The following MYO18B variants were observed in gnomAD, a reference collection of about 807,000 sequenced individuals.
MYO18B encodes unconventional myosin-XVIIIb.
MYO18B carries 204 observed loss-of-function variants against 273.0 expected under a neutral mutation model. That is an observed-to-expected ratio of 0.75 (90% CI 0.67 to 0.84). The LOEUF (loss-of-function observed/expected upper bound fraction) is 0.84. MYO18B is among the 40% of genes least tolerant of loss of function. The probability of loss-of-function intolerance (pLI) is 0.00; values close to 1 mark genes in which losing one functional copy is unlikely to be tolerated. For missense variants in MYO18B, 3,212 were observed against 3,287.6 expected, an observed-to-expected ratio of 0.98 and a Z score of 0.56; for synonymous variants, 1,330 against 1,305.7, an observed-to-expected ratio of 1.02 and a Z score of -0.40.
chr22:26,043,730 G>A, the MYO18B span, among the ~76,000 whole-genome samples: 1 of 151,900 alleles, frequency 6.6e-6, no homozygotes. Context: ...TGGCCAGACT[G>A]GTCTCGAACT....
intron 33 of MYO18B, among the ~76,000 whole-genome samples, chr22:25,916,774 G>A (rs1455351825): frequency 1.3e-5 from 2 of 152,234 alleles, no homozygotes; most frequent in African/African-American, 4.8e-5. Context: ...GCTCACGCCT[G>A]TAATCCCAGC....
intron 10 of MYO18B, among the ~76,000 whole-genome samples, chr22:25,782,097 A>G (rs1343945661): frequency 2.0e-5 from 3 of 152,194 alleles, no homozygotes; most frequent in Non-Finnish European, 4.4e-5. Flanking sequence ...GGATTAAGAG[A>G]GATAATTTAC....
intron 41 of MYO18B, 59 bp from the exon 42 acceptor site, chr22:26,004,659 A>G (rs1324994473): frequency 2.5e-6 from 4 of 1,594,952 alleles, no homozygotes; most frequent in East Asian, 4.5e-5. Context: ...GTGAATATCT[A>G]ATTATTGCTG....
chr22:25,866,519 A>G (rs1434626132), intron 21 of MYO18B, among the ~76,000 whole-genome samples: 3 of 152,012 alleles, frequency 2.0e-5, no homozygotes, highest in Non-Finnish European at 4.4e-5. Flanking sequence ...CAGTCATCAT[A>G]TCTATTGGGC....
chr22:26,060,937 A>C, the MYO18B span, among the ~76,000 whole-genome samples: 1 of 152,154 alleles, frequency 6.6e-6, no homozygotes, highest in Non-Finnish European at 1.5e-5. Context: ...ACATTCACAC[A>C]TACACATGCA....
intron 25 of MYO18B, 53 bp from the exon 26 acceptor site, chr22:25,890,703 G>A (rs1569157133): frequency 6.2e-7 from 1 of 1,602,550 alleles, no homozygotes; most frequent in African/African-American, 1.3e-5. Context: ...GGAGAGAAGG[G>A]TTGGTGGCTC....
rs184246134 is a variant in MYO18B, at chr22:25,969,562, T to C, written c.6156+14198T>C. Among the ~76,000 whole-genome samples the C allele has an allele frequency of 3.9e-5, 6 of 152,282 alleles. No individual in the cohort carries two copies. The East Asian group carries it at 1.2e-3, about 29-fold the overall frequency. On this transcript the variant is annotated intron_variant, in intron 39 of 43. Transcript: ENST00000335473. ...AGAGGAGTATTTGTGATAAGACCATTTGGCCTACAAAGTCCAAGATATATA... is the reference window on the plus strand; with the variant it reads ...AGAGGAGTATTTGTGATAAGACCATCTGGCCTACAAAGTCCAAGATATATA...
At chr22:25,901,298 T>A (rs2091929251) in intron 29 of MYO18B, 2 of 152,240 alleles carry the variant, frequency 1.3e-5, no homozygotes, top group Non-Finnish European at 2.9e-5. Context: ...TATCAAGATC[T>A]CTGGAACAAT....
intron 24 of MYO18B, among the ~76,000 whole-genome samples, 165 bp downstream of exon 24, chr22:25,876,497 C>T (rs1446886793): frequency 6.6e-6 from 1 of 152,156 alleles, no homozygotes; most frequent in African/African-American, 2.4e-5. Flanking sequence ...CCTCCAACAA[C>T]ACAGACAATC....
At chr22:25,755,071 A>G (rs1256661901) in intron 1 of MYO18B, among the ~76,000 whole-genome samples, 1 of 152,134 alleles carries the variant, frequency 6.6e-6, no homozygotes, top group African/African-American at 2.4e-5. Context: ...GGAGTCTGTG[A>G]GTCACTCGGG....
At chr22:25,897,637 T>C (rs748463610) in intron 28 of MYO18B, 3 of 152,252 alleles carry the variant, frequency 2.0e-5, no homozygotes, top group Non-Finnish European at 4.4e-5. Context: ...GAATTTAGAA[T>C]TACAGGCTTC....
In MYO18B at chr22:25,921,337, G is replaced by C. The variant is rs772703818; in HGVS notation, c.5445G>C (p.Gln1815His). ...CACATGCACTGTTGTCAGACGTGCA[G>C]CTCCTTCTGGGCACCATGGAGGATG... ...RRTHALLSDV[Q>H]LLLGTMEDGK... Residue 1815 changes from glutamine (Q) to histidine (H), a missense_variant, in exon 34 of 44, where the codon CAG (glutamine) becomes CAC (histidine). Gln to His is a conservative substitution (Grantham distance 24, BLOSUM62 0). Transcript: ENST00000335473. 1 of 1,584,226 alleles carries C rather than the reference G, an allele frequency of 6.3e-7. No individual in the cohort carries two copies. The highest frequency in any genetic ancestry group is 8.6e-7 in the Non-Finnish European group (1 of 1,165,114).
At chr22:25,927,308 C>T (rs1275545364) in intron 34 of MYO18B, among the ~76,000 whole-genome samples, 1 of 152,172 alleles carries the variant, frequency 6.6e-6, no homozygotes, top group African/African-American at 2.4e-5. Context: ...CAGCATGGAA[C>T]ATCCCTGGGA....
rs1050467855 is a variant in MYO18B at position 25,952,377 on chromosome 22, T to C, written c.5924T>C (p.Leu1975Pro). The C allele has an allele frequency of 2.5e-6, 4 of 1,612,990 alleles. No individual in the cohort carries two copies. The highest frequency in any genetic ancestry group is 2.5e-6 in the Non-Finnish European group (3 of 1,179,564). The part of the protein sequence containing the change: ...VSRQEAVICD[L>P]ENKTEFQKVQ... ...AGGCAGGAGGCGGTCATCTGTGACC[T>C]AGAGAACAAGACAGAGTTCCAGAAG... The change falls in exon 38 of 44, where the codon CTA becomes CCA. Residue 1975 changes from leucine to proline, a missense_variant. Leu to Pro is a moderately conservative substitution (Grantham distance 98, BLOSUM62 -3). Coordinates refer to ENST00000335473, the MANE Select transcript of MYO18B (RefSeq NM_032608.7).
chr22:25,962,797 G>T (rs1459361590), intron 39 of MYO18B, among the ~76,000 whole-genome samples: 1 of 152,266 alleles, frequency 6.6e-6, no homozygotes. Flanking sequence ...TGGCAGCTTT[G>T]GGGGAGCAGT....
chr22:25,873,243 A>C (rs751756026), intron 22 of MYO18B, among the ~76,000 whole-genome samples: 23 of 152,094 alleles, frequency 1.5e-4, no homozygotes, highest in Non-Finnish European at 2.8e-4. Context: ...GGAGGCATTG[A>C]TCAGAGTGCT....
At chr22:25,896,471 C>T (rs1389323912) in intron 28 of MYO18B, 1 of 152,188 alleles carries the variant, frequency 6.6e-6, no homozygotes, top group Non-Finnish European at 1.5e-5. Flanking sequence ...CTATCAACTG[C>T]TCTTCCCCCT....
chr22:25,779,994 T>C, intron 8 of MYO18B, 62 bp from the exon 9 acceptor site: 1 of 1,497,696 alleles, frequency 6.7e-7, no homozygotes, highest in Non-Finnish European at 8.9e-7. Context: ...TGGACCTGTG[T>C]GAGGTGGCAG....
intron 12 of MYO18B, among the ~76,000 whole-genome samples, chr22:25,822,744 C>T (rs1017352324): frequency 6.6e-6 from 1 of 152,236 alleles, no homozygotes; most frequent in Non-Finnish European, 1.5e-5. Context: ...AAAAGAAATT[C>T]TTGGCCTTTT....
Sources: allele counts gnomAD v4.1 joint callset (sites outside exome capture counted in the v4.1 genomes callset), GRCh38; gene constraint gnomAD v4.1.1; transcripts MANE v1.5; gene names NCBI Gene and HGNC (gene_info 2026-07-23, HGNC 2026-07-21).